CTNNA3: variants seen among roughly 807,000 people sequenced by gnomAD.
CTNNA3 encodes catenin alpha 3.
Under a neutral mutation model 95.7 loss-of-function variants are expected in CTNNA3, and 76 were observed. The ratio of observed to expected loss-of-function variants is 0.79; its 90% CI spans 0.66 to 0.96. The LOEUF is 0.96. CTNNA3 is among the 40% of genes least tolerant of loss of function. CTNNA3 has a pLI of 0.00. For synonymous variants in CTNNA3, 431 were observed against 374.4 expected, an observed-to-expected ratio of 1.15 and a Z score of -1.74; for missense variants, 1,191 against 1,089.8, an observed-to-expected ratio of 1.09 and a Z score of -1.31.
chr10:66,921,525 T>A (rs1846784779), intron 7 of CTNNA3, among the ~76,000 whole-genome samples: 1 of 152,180 alleles, frequency 6.6e-6, no homozygotes, highest in Non-Finnish European at 1.5e-5. Context: ...ACTTGGTCTC[T>A]CCATTCTAGA....
intron 11 of CTNNA3, among the ~76,000 whole-genome samples, chr10:66,412,456 ATTTTTTT>A (rs750175517): frequency 0.092 from 11,679 of 126,260 alleles, 946 homozygotes; most frequent in East Asian, 0.27. Context: ...GCCAAATACT[ATTTTTTT>A]TTTTTTTTTT....
intron 5 of CTNNA3, among the ~76,000 whole-genome samples, chr10:67,494,253 A>C (rs191243655): frequency 2.6e-5 from 4 of 152,354 alleles, no homozygotes; most frequent in Admixed American, 2.0e-4. Context: ...TATTTAACTC[A>C]GCACAACATT....
intron 17 of CTNNA3, among the ~76,000 whole-genome samples, chr10:65,941,572 CAAAG>C (rs903179484): frequency 5.9e-5 from 9 of 152,140 alleles, no homozygotes; most frequent in Non-Finnish European, 1.0e-4. Context: ...GAAACAATCT[CAAAG>C]ACCTGTACTA....
At chr10:67,718,446 G>A (rs1841157553) in intron 1 of CTNNA3, among the ~76,000 whole-genome samples, 2 of 152,078 alleles carry the variant, frequency 1.3e-5, no homozygotes, top group South Asian at 4.1e-4. Context: ...CTGACTGTGG[G>A]TTTATCATAA....
chr10:67,723,032 G>A (rs1033536790), intron 1 of CTNNA3, among the ~76,000 whole-genome samples: 10 of 144,650 alleles, frequency 6.9e-5, no homozygotes, highest in Non-Finnish European at 1.0e-4. Flanking sequence ...TGTCGCCCAG[G>A]TTGCAGTCCA....
At chr10:66,349,494 T>C (rs907736871) in intron 12 of CTNNA3, among the ~76,000 whole-genome samples, 1 of 152,080 alleles carries the variant, frequency 6.6e-6, no homozygotes, top group Non-Finnish European at 1.5e-5. Flanking sequence ...TTAACAAATA[T>C]ACCTGGAAAA....
In CTNNA3 at chr10:67,740,779, T is replaced by C. The variant is rs980376538; in HGVS notation, c.-2+22655A>G. 1.9e-4 allele frequency among the ~76,000 whole-genome samples: 28 copies of C among 151,288 alleles called. 2 individuals are homozygous for C. Among genetic ancestry groups the C allele is most frequent in the Non-Finnish European group, 1.2e-4 (8 of 67,758 alleles). On this transcript the variant is annotated intron_variant, in intron 1 of 17. Coordinates refer to the CTNNA3 transcript ENST00000684154. ...TTCCTCAGGGATCTAGAACTACAAA[T>C]ACCATTTGACCCAGCCATCCCATTA... is the stretch of plus-strand genomic sequence containing the variant.
At chr10:66,908,587 G>C (rs890612675) in intron 7 of CTNNA3, among the ~76,000 whole-genome samples, 1 of 152,016 alleles carries the variant, frequency 6.6e-6, no homozygotes, top group East Asian at 2.0e-4. Flanking sequence ...TTCCTAACTT[G>C]TGTCAACCAT....
Position 65,988,729 on chromosome 10 carries a change from G to T in CTNNA3, c.2228C>A (p.Ser743Ter). The change falls in exon 16 of 18, where the codon TCA becomes TAA. Residue 743 changes from serine to a stop codon, truncating the protein, a stop_gained. Transcript: ENST00000433211. LOFTEE classifies it high-confidence loss of function. ...YAAKMISESGSRMDVLARQIA... is the reference protein window; with the variant it reads ...YAAKMISESG ...CTGCCGAGCAAGGACATCCATCCTT[G>T]ATCCTGATTCTGATATCATTTTCGC... 6.2e-7 allele frequency: 1 copy of T among 1,613,918 alleles called. No homozygotes were observed. Among genetic ancestry groups the T allele is most frequent in the Admixed American group, 1.7e-5 (1 of 60,014 alleles).
At chr10:67,348,645 T>A (rs957738914) in intron 5 of CTNNA3, among the ~76,000 whole-genome samples, 4 of 151,886 alleles carry the variant, frequency 2.6e-5, no homozygotes, top group African/African-American at 4.8e-5. Context: ...AACAACCAGA[T>A]CGCACATGAA....
chr10:66,567,980 T>C (rs1271846516), intron 10 of CTNNA3, among the ~76,000 whole-genome samples: 4 of 152,170 alleles, frequency 2.6e-5, no homozygotes, highest in Non-Finnish European at 5.9e-5. Flanking sequence ...TACACTAAAA[T>C]ATAGAGATTG....
chr10:66,579,954 T>C (rs1186822180), intron 10 of CTNNA3, among the ~76,000 whole-genome samples: 1 of 151,750 alleles, frequency 6.6e-6, no homozygotes, highest in Non-Finnish European at 1.5e-5. Flanking sequence ...TTCATGTGGA[T>C]TTCTTTGGGC....
chr10:66,984,866 C>T (rs1341552037), intron 7 of CTNNA3, among the ~76,000 whole-genome samples: 1 of 152,120 alleles, frequency 6.6e-6, no homozygotes, highest in Non-Finnish European at 1.5e-5. Flanking sequence ...CTGCCTTTTA[C>T]TGACACACAT....
chr10:66,895,913 A>G (rs1332829150), intron 7 of CTNNA3, among the ~76,000 whole-genome samples: 2 of 94,972 alleles, frequency 2.1e-5, no homozygotes, highest in Non-Finnish European at 4.6e-5. Context: ...ACCTGTCTCT[A>G]CAAAAAAAAA....
chr10:67,020,186 G>A (rs1388258477), intron 7 of CTNNA3, among the ~76,000 whole-genome samples: 1 of 152,018 alleles, frequency 6.6e-6, no homozygotes, highest in Non-Finnish European at 1.5e-5. Context: ...AAATTAAATG[G>A]GTGAGCCACC....
chr10:67,550,675 C>T (rs1044186220), intron 3 of CTNNA3, among the ~76,000 whole-genome samples: 3 of 129,070 alleles, frequency 2.3e-5, no homozygotes, highest in South Asian at 2.5e-4. Context: ...ATTTCTTTAC[C>T]GTAGAATAAA....
At chr10:67,057,667 G>C (rs981774288) in intron 7 of CTNNA3, among the ~76,000 whole-genome samples, 18 of 152,102 alleles carry the variant, frequency 1.2e-4, no homozygotes, top group African/African-American at 4.3e-4. Flanking sequence ...GCACCCTCAG[G>C]AAAGTTGTAA....
chr10:67,526,125 ATTGTT>A (rs1840137289), intron 4 of CTNNA3, among the ~76,000 whole-genome samples: 1 of 152,218 alleles, frequency 6.6e-6, no homozygotes, highest in Non-Finnish European at 1.5e-5. Flanking sequence ...GTAAAAAGAA[ATTGTT>A]TTAAGCATAA....
chr10:67,499,218 T>C (rs1839147174), intron 5 of CTNNA3, among the ~76,000 whole-genome samples: 1 of 152,240 alleles, frequency 6.6e-6, no homozygotes, highest in African/African-American at 2.4e-5. Context: ...TGGTTCTGTT[T>C]AGGTGATGAA....
Sources: allele counts gnomAD v4.1 joint callset (sites outside exome capture counted in the v4.1 genomes callset), GRCh38; gene constraint gnomAD v4.1.1; transcripts MANE v1.5; gene names NCBI Gene and HGNC (gene_info 2026-07-23, HGNC 2026-07-21).